PARD3: variants seen among roughly 807,000 people sequenced by gnomAD.
PARD3 encodes the protein partitioning defective 3 homolog.
A neutral mutation model predicts 155.4 loss-of-function variants in PARD3; 75 were observed. The observed-to-expected ratio is 0.48, with a 90% CI of 0.40 to 0.58. The LOEUF (loss-of-function observed/expected upper bound fraction) is 0.58, where lower values mean the gene tolerates loss of function less well. Among genes scored for constraint, PARD3 ranks in the 20% least tolerant of loss-of-function variants. The pLI, the probability that PARD3 is intolerant of heterozygous loss-of-function variation, is 0.00. For missense variants in PARD3, 1,642 were observed against 1,721.7 expected (o/e 0.95, Z 0.82); for synonymous variants, 576 against 610.5 (o/e 0.94, Z 0.83).
intron 21 of PARD3, among the ~76,000 whole-genome samples, chr10:34,271,494 A>G (rs1002902185): frequency 1.3e-5 from 2 of 152,204 alleles, no homozygotes; most frequent in Non-Finnish European, 2.9e-5. Flanking sequence ...GCATTTGATA[A>G]AATTCAACAC....
rs570056214 is a variant in PARD3, at chr10:34,535,043, G to A, written c.223-17884C>T. On this transcript the variant is annotated intron_variant, in intron 2 of 24. Coordinates refer to ENST00000374788, the MANE Select transcript of PARD3 (RefSeq NM_001184785.2). The stretch of plus-strand genomic sequence containing the variant: ...TGAATCATCCTATTTTGTCTATTTT[G>A]CAGACAAATTGTAGTCCTGAGCAGG... Among the ~76,000 whole-genome samples, 30 of 152,224 alleles carry A rather than the reference G, an allele frequency of 2.0e-4. 1 individual carries two copies. Among genetic ancestry groups the A allele is most frequent in the African/African-American group, 7.2e-4 (30 of 41,542 alleles).
chr10:34,235,822 T>C (rs751380781), intron 22 of PARD3, among the ~76,000 whole-genome samples: 1 of 152,260 alleles, frequency 6.6e-6, no homozygotes, highest in Non-Finnish European at 1.5e-5. Flanking sequence ...GATTTTGATT[T>C]GTTCTCAGAA....
intron 1 of PARD3, among the ~76,000 whole-genome samples, chr10:34,764,044 C>A (rs1837786982): frequency 6.6e-6 from 1 of 152,266 alleles, no homozygotes; most frequent in Non-Finnish European, 1.5e-5. Flanking sequence ...GGAATTTGTA[C>A]AACACCGTGG....
intron 22 of PARD3, among the ~76,000 whole-genome samples, chr10:34,243,952 G>C (rs1588911742): frequency 6.6e-6 from 1 of 152,130 alleles, no homozygotes; most frequent in East Asian, 1.9e-4. Flanking sequence ...ACAAGATAGT[G>C]ACTATAATTA....
intron 3 of PARD3, among the ~76,000 whole-genome samples, chr10:34,478,322 G>C (rs555962763): frequency 6.6e-6 from 1 of 152,304 alleles, no homozygotes; most frequent in African/African-American, 2.4e-5. Flanking sequence ...TGCATTGGGA[G>C]TACTTGGTAA....
At chr10:34,723,062 G>A (rs2094633835) in intron 1 of PARD3, among the ~76,000 whole-genome samples, 1 of 151,952 alleles carries the variant, frequency 6.6e-6, no homozygotes, top group Non-Finnish European at 1.5e-5. Context: ...TATATATATT[G>A]GCCAGGCACG....
rs111910176 is a variant in PARD3, at chr10:34,201,777, C to A, written c.3419+67880G>T. ...CCAACCACACCATCAGGATACAGAG[C>A]TTCCATTATCGTAAAAACTAAAGGG... On this transcript the variant is annotated intron_variant, in intron 22 of 24. Coordinates refer to ENST00000374788, the MANE Select transcript of PARD3 (RefSeq NM_001184785.2). Among the ~76,000 whole-genome samples, 145 of 152,258 alleles carry A rather than the reference C, an allele frequency of 9.5e-4. 2 individuals carry two copies. Among genetic ancestry groups the A allele is most frequent in the African/African-American group, 3.0e-3 (124 of 41,524 alleles).
chr10:34,567,086 A>G (rs1321133090), intron 2 of PARD3, among the ~76,000 whole-genome samples: 2 of 152,210 alleles, frequency 1.3e-5, no homozygotes, highest in African/African-American at 2.4e-5. Context: ...AATAACAGGA[A>G]ATGCACTTTA....
At chr10:34,194,263 T>G (rs975747017) in intron 22 of PARD3, among the ~76,000 whole-genome samples, 1 of 152,148 alleles carries the variant, frequency 6.6e-6, no homozygotes, top group African/African-American at 2.4e-5. Flanking sequence ...CAGATGGAGT[T>G]TATCCTTGAG....
chr10:34,684,303 A>G (rs2093901828), intron 2 of PARD3, among the ~76,000 whole-genome samples: 2 of 152,164 alleles, frequency 1.3e-5, no homozygotes, highest in Admixed American at 1.3e-4. Flanking sequence ...ACTTTTTCTA[A>G]TGTATATAAT....
At chr10:34,628,369 C>A (rs1298078076) in intron 2 of PARD3, among the ~76,000 whole-genome samples, 2 of 152,232 alleles carry the variant, frequency 1.3e-5, no homozygotes, top group African/African-American at 4.8e-5. Flanking sequence ...CTAATACGTC[C>A]ATTCAGTCAA....
chr10:34,328,550 G>A (rs74131702), intron 19 of PARD3, among the ~76,000 whole-genome samples: 1 of 152,062 alleles, frequency 6.6e-6, no homozygotes, highest in Non-Finnish European at 1.5e-5. Context: ...AAACAACTGT[G>A]AAGGTGGTGG....
rs866264597 is a variant in PARD3, at chr10:34,309,548, C to A, written c.3065+7559G>T. ...CTCCTGCTGAGCAAGACCCTGTCTCCAAAAAAAAAAAAAAAAAAAAAAAAA... is the reference window on the plus strand; with the variant it reads ...CTCCTGCTGAGCAAGACCCTGTCTCAAAAAAAAAAAAAAAAAAAAAAAAAA... On this transcript the variant is annotated intron_variant, in intron 20 of 24. Transcript: ENST00000374788. Among the ~76,000 whole-genome samples, 375 of 64,008 alleles carry A rather than the reference C, an allele frequency of 5.9e-3. 11 individuals are homozygous for A. Among genetic ancestry groups the A allele is most frequent in the Admixed American group, 0.056 (231 of 4,148 alleles). 42.0% of individuals were successfully genotyped at this position (64,008 alleles called of 152,430 possible).
chr10:34,235,602 A>G (rs1202541092), intron 22 of PARD3, among the ~76,000 whole-genome samples: 1 of 152,208 alleles, frequency 6.6e-6, no homozygotes, highest in Non-Finnish European at 1.5e-5. Flanking sequence ...ACGTTTAGTT[A>G]CTGAGTTCTA....
At chr10:34,572,640 C>CAA (rs1197487501) in intron 2 of PARD3, among the ~76,000 whole-genome samples, 28 of 69,578 alleles carry the variant, frequency 4.0e-4, no homozygotes, top group Non-Finnish European at 4.5e-4. Context: ...GACTCTGTCT[C>CAA]AAAAAAAAAA....
At chr10:34,157,599 G>C (rs1949070240) in intron 22 of PARD3, among the ~76,000 whole-genome samples, 1 of 152,030 alleles carries the variant, frequency 6.6e-6, no homozygotes, top group Non-Finnish European at 1.5e-5. Flanking sequence ...AACTAGCAAG[G>C]ATTCCCTATT....
chr10:34,320,144 A>C (rs943129295), intron 19 of PARD3, among the ~76,000 whole-genome samples: 1 of 152,154 alleles, frequency 6.6e-6, no homozygotes, highest in African/African-American at 2.4e-5. Context: ...TTTTGGTAAA[A>C]ACTGACTTGT....
chr10:34,729,079 A>G (rs79596836), intron 1 of PARD3, among the ~76,000 whole-genome samples: 2 of 152,222 alleles, frequency 1.3e-5, no homozygotes, highest in African/African-American at 4.8e-5. Context: ...CGAGGTGTGC[A>G]GTAGGCTCTG....
chr10:34,363,798 C>T (rs975891825), intron 12 of PARD3, among the ~76,000 whole-genome samples: 3 of 152,196 alleles, frequency 2.0e-5, no homozygotes, highest in African/African-American at 7.2e-5. Flanking sequence ...CACGCACATA[C>T]ATGTGTGTAT....
Sources: allele counts gnomAD v4.1 joint callset (sites outside exome capture counted in the v4.1 genomes callset), GRCh38; gene constraint gnomAD v4.1.1; transcripts MANE v1.5; gene names NCBI Gene and HGNC (gene_info 2026-07-23, HGNC 2026-07-21).